BACH2: variants seen among roughly 807,000 people sequenced by gnomAD.
BACH2 encodes transcription regulator protein BACH2.
BACH2 carries 5 observed loss-of-function variants against 61.8 expected under a neutral mutation model. The observed-to-expected ratio is 0.08, with a 90% CI of 0.04 to 0.17. BACH2 has a LOEUF of 0.17. Ranked by LOEUF, BACH2 falls within the 10% of genes least tolerant of loss-of-function variation. The pLI is 1.00. For synonymous variants in BACH2, 446 were observed against 440.1 expected (o/e 1.01, Z -0.17); for missense variants, 824 against 1,091.1 (o/e 0.76, Z 3.45).
chr6:90,196,569 C>T (rs1362976633), intron 4 of BACH2, among the ~76,000 whole-genome samples: 1 of 152,166 alleles, frequency 6.6e-6, no homozygotes, highest in Non-Finnish European at 1.5e-5. Context: ...AGAGCTGTCA[C>T]AGCAAATTGT....
In BACH2 at chr6:90,287,379, CT is replaced by C. The variant is rs1033417329; in HGVS notation, c.-446+9100del. 1.2e-4 allele frequency among the ~76,000 whole-genome samples: 18 copies of C among 151,356 alleles called. No homozygotes were observed. The East Asian group carries it at 3.1e-3, about 26-fold the overall frequency. Reference sequence around the variant, plus strand: ...GAGGTAAGTGAAGTTGGATCCGCTGCTTTTTTTTTCTTCTAAAATTCAACAT... The same window carrying C: ...GAGGTAAGTGAAGTTGGATCCGCTGCTTTTTTTTCTTCTAAAATTCAACAT... On this transcript the variant is annotated intron_variant, in intron 1 of 8. Transcript: ENST00000257749.
At chr6:90,235,002 C>G (rs979821665) in intron 3 of BACH2, among the ~76,000 whole-genome samples, 1 of 152,210 alleles carries the variant, frequency 6.6e-6, no homozygotes, top group African/African-American at 2.4e-5. Flanking sequence ...AACTGGGGCA[C>G]CCATCATCAT....
chr6:90,117,463 CTTTTT>C (rs3072652), intron 4 of BACH2, among the ~76,000 whole-genome samples: 2 of 141,672 alleles, frequency 1.4e-5, no homozygotes, highest in Admixed American at 7.0e-5. Context: ...GTTAGCTTGA[CTTTTT>C]TTTTTTTTTG....
chr6:90,117,096 C>A, intron 4 of BACH2: 1 of 280,760 alleles, frequency 3.6e-6, no homozygotes, highest in South Asian at 5.6e-5. Flanking sequence ...TCTCGTCTCT[C>A]TGGCCAACTT....
At chr6:90,133,774 G>A (rs1181706108) in intron 4 of BACH2, among the ~76,000 whole-genome samples, 1 of 151,986 alleles carries the variant, frequency 6.6e-6, no homozygotes, top group East Asian at 1.9e-4. Flanking sequence ...TCCCACCTAT[G>A]AGTGAGAACA....
rs149346396 is a variant in BACH2 at position 89,946,415 on chromosome 6, T to C, written c.1836+3855A>G. On this transcript the variant is annotated intron_variant, in intron 7 of 8. Coordinates refer to ENST00000257749, the MANE Select transcript of BACH2 (RefSeq NM_021813.4). ...ACAACATTTTGGGTAGGTCATTAGGTAGTATTTAATAAATGGGCACAACCT... is the reference window on the plus strand; with the variant it reads ...ACAACATTTTGGGTAGGTCATTAGGCAGTATTTAATAAATGGGCACAACCT... Among the ~76,000 whole-genome samples the C allele has an allele frequency of 3.1e-3, 477 of 152,280 alleles. 5 individuals carry two copies. Among genetic ancestry groups the C allele is most frequent in the African/African-American group, 0.011 (451 of 41,552 alleles).
At chr6:90,203,950 T>A (rs929410250) in intron 4 of BACH2, among the ~76,000 whole-genome samples, 1 of 152,150 alleles carries the variant, frequency 6.6e-6, no homozygotes, top group Non-Finnish European at 1.5e-5. Flanking sequence ...TCATGAGGTA[T>A]CAGGGTAGTC....
chr6:90,045,275 T>A (rs1198448316), intron 5 of BACH2, among the ~76,000 whole-genome samples: 2 of 152,224 alleles, frequency 1.3e-5, no homozygotes, highest in African/African-American at 2.4e-5. Flanking sequence ...TGTGGAGCAG[T>A]TTCCACTGCT....
intron 5 of BACH2, among the ~76,000 whole-genome samples, chr6:90,049,609 T>C (rs1779943337): frequency 6.6e-6 from 1 of 152,206 alleles, no homozygotes; most frequent in Admixed American, 6.5e-5. Flanking sequence ...GTAAAACTGC[T>C]GGCATCTCAG....
At chr6:89,955,540 A>T (rs1350836425) in intron 6 of BACH2, among the ~76,000 whole-genome samples, 2 of 152,110 alleles carry the variant, frequency 1.3e-5, no homozygotes, top group African/African-American at 4.8e-5. Flanking sequence ...TACTTTCGGA[A>T]CTGTCACAAG....
At chr6:90,097,533 C>A (rs372772601) in intron 4 of BACH2, among the ~76,000 whole-genome samples, 75 of 152,270 alleles carry the variant, frequency 4.9e-4, no homozygotes, top group Admixed American at 1.3e-3. Context: ...CTTTGCCCTA[C>A]GACTTACATA....
chr6:90,103,029 A>ATATATATATTTTTTTTT, intron 4 of BACH2, among the ~76,000 whole-genome samples: 5 of 21,162 alleles, frequency 2.4e-4, no homozygotes, highest in Non-Finnish European at 3.2e-4. Context: ...ATATATATAT[A>ATATATATATTTTTTTTT]TTTTTTTTTT....
intron 3 of BACH2, among the ~76,000 whole-genome samples, chr6:90,239,475 A>T (rs1006408925): frequency 1.3e-4 from 20 of 152,224 alleles, no homozygotes; most frequent in African/African-American, 4.8e-4. Flanking sequence ...TGCTGGCTCT[A>T]AAATTACAGC....
At chr6:90,194,565 A>G (rs2127845673) in intron 4 of BACH2, among the ~76,000 whole-genome samples, 1 of 152,318 alleles carries the variant, frequency 6.6e-6, no homozygotes. Flanking sequence ...CAGAGATTGC[A>G]GACCACTCAC....
chr6:90,222,126 CAG>C (rs757861474), intron 3 of BACH2, among the ~76,000 whole-genome samples: 5 of 152,062 alleles, frequency 3.3e-5, no homozygotes, highest in Non-Finnish European at 5.9e-5. Context: ...GTCTTTGAAA[CAG>C]GGTGTGGATT....
chr6:90,054,269 A>T (rs1365772222), intron 5 of BACH2, among the ~76,000 whole-genome samples: 2 of 152,200 alleles, frequency 1.3e-5, no homozygotes, highest in Non-Finnish European at 2.9e-5. Context: ...CTTCCACCCT[A>T]ATACTGCGCT....
rs78470458 is a variant in BACH2 at position 90,044,356 on chromosome 6, C to G, written c.-12-35500G>C. 2.5e-3 allele frequency among the ~76,000 whole-genome samples: 377 copies of G among 152,260 alleles called. 2 individuals are homozygous for G. The highest frequency in any genetic ancestry group is 8.7e-3 in the African/African-American group (360 of 41,548). On this transcript the variant is annotated intron_variant, in intron 5 of 8. Coordinates refer to ENST00000257749, the MANE Select transcript of BACH2 (RefSeq NM_021813.4). ...ATAAACAGCTGGTTCAATGGCCCTACAGCAGGAGTAGGCTTGATGCTCTGA... is the reference window on the plus strand; with the variant it reads ...ATAAACAGCTGGTTCAATGGCCCTAGAGCAGGAGTAGGCTTGATGCTCTGA...
chr6:90,271,109 A>C (rs1771504926), intron 2 of BACH2, among the ~76,000 whole-genome samples: 1 of 152,224 alleles, frequency 6.6e-6, no homozygotes, highest in Non-Finnish European at 1.5e-5. Flanking sequence ...CTAAGACCTG[A>C]AACCATAAAA....
chr6:90,103,029 A>ATTTTTTTTTTTTTTTTT (rs371386234), intron 4 of BACH2, among the ~76,000 whole-genome samples: 1 of 21,164 alleles, frequency 4.7e-5, no homozygotes, highest in Non-Finnish European at 8.0e-5. Context: ...ATATATATAT[A>ATTTTTTTTTTTTTTTTT]TTTTTTTTTT....
Sources: allele counts gnomAD v4.1 joint callset (sites outside exome capture counted in the v4.1 genomes callset), GRCh38; gene constraint gnomAD v4.1.1; transcripts MANE v1.5; gene names NCBI Gene and HGNC (gene_info 2026-07-23, HGNC 2026-07-21).